PVT1: variants seen among roughly 807,000 people sequenced by gnomAD.
The protein encoded by PVT1 is Pvt1 oncogene, also known as CXCR4/PVT1 fusion.
intron 3 of PVT1, among the ~76,000 whole-genome samples, chr8:127,921,854 G>GTTTTTTTGTTTTTTTTTTTTTTTTT (rs1816063128): frequency 1.3e-4 from 9 of 71,906 alleles, no homozygotes; most frequent in African/African-American, 5.5e-4. Context: ...TTTGGTTCAT[G>GTTTTTTTGTTTTTTTTTTTTTTTTT]TTTTTTTTTT....
At chr8:127,897,807 G>GAGAAA (rs764448122) in intron 3 of PVT1, among the ~76,000 whole-genome samples, 30 of 117,370 alleles carry the variant, frequency 2.6e-4, no homozygotes, top group South Asian at 1.1e-3. Context: ...TGCGTGAAGA[G>GAGAAA]AGAAAAGAAA....
At chr8:127,874,645 C>T (rs565997450) in intron 2 of PVT1, among the ~76,000 whole-genome samples, 1 of 152,286 alleles carries the variant, frequency 6.6e-6, no homozygotes, top group South Asian at 2.1e-4. Context: ...GAAATGTGCA[C>T]CGTGAATGTT....
At chr8:127,938,230 G>A (rs989293990) in intron 3 of PVT1, among the ~76,000 whole-genome samples, 16 of 152,228 alleles carry the variant, frequency 1.1e-4, no homozygotes, top group African/African-American at 3.6e-4. Context: ...GAGGCGACAA[G>A]CCCTGATCAA....
At chr8:128,020,478 G>A (rs966469707) in intron 4 of PVT1, among the ~76,000 whole-genome samples, 5 of 152,186 alleles carry the variant, frequency 3.3e-5, no homozygotes, top group African/African-American at 4.8e-5. Context: ...CCCACTTGTA[G>A]GAACTGGAGG....
At chr8:127,972,988 T>A (rs1258415077) in intron 3 of PVT1, among the ~76,000 whole-genome samples, 1 of 152,182 alleles carries the variant, frequency 6.6e-6, no homozygotes, top group Non-Finnish European at 1.5e-5. Flanking sequence ...CACTATAACC[T>A]CGAACTACTG....
At chr8:128,040,492 T>A (rs564501672) in intron 4 of PVT1, among the ~76,000 whole-genome samples, 37 of 152,264 alleles carry the variant, frequency 2.4e-4, no homozygotes, top group African/African-American at 7.7e-4. Flanking sequence ...CACATCCTAC[T>A]GATTCTGTTT....
chr8:127,980,821 A>C (rs1043562906), intron 3 of PVT1, among the ~76,000 whole-genome samples: 1 of 139,676 alleles, frequency 7.2e-6, no homozygotes, highest in Non-Finnish European at 1.5e-5. Flanking sequence ...TGTTTGAGAC[A>C]GAGTCTCGCT....
At chr8:127,952,972 G>T (rs577318673) in intron 3 of PVT1, among the ~76,000 whole-genome samples, 2 of 152,184 alleles carry the variant, frequency 1.3e-5, no homozygotes, top group Non-Finnish European at 2.9e-5. Flanking sequence ...CACCATGTTG[G>T]CCAGGATGGT....
In PVT1 at chr8:127,966,660, C is replaced by T. The variant is rs1388449042; in HGVS notation, n.783-22502C>T. Among the ~76,000 whole-genome samples, 3 of 152,284 alleles carry T rather than the reference C, an allele frequency of 2.0e-5. No individual in the cohort carries two copies. In the East Asian group the frequency reaches 5.8e-4, roughly 29 times the overall value. ...TGGGGCTGTAGCAGCTGAGGGACTGCAATTTTTGTGTGAATTAATTTCAAC... is the reference window on the plus strand; with the variant it reads ...TGGGGCTGTAGCAGCTGAGGGACTGTAATTTTTGTGTGAATTAATTTCAAC... On this transcript the variant is annotated intron_variant and non_coding_transcript_variant, in intron 3 of 10. Coordinates refer to ENST00000651587, the Ensembl canonical transcript of PVT1.
At chr8:127,966,350 C>G (rs1816702654) in intron 3 of PVT1, among the ~76,000 whole-genome samples, 1 of 152,104 alleles carries the variant, frequency 6.6e-6, no homozygotes, top group Non-Finnish European at 1.5e-5. Context: ...GTTCATGCAC[C>G]TAGTAAGTAA....
chr8:127,928,989 C>T (rs1017577234), intron 3 of PVT1, among the ~76,000 whole-genome samples: 3 of 152,188 alleles, frequency 2.0e-5, no homozygotes, highest in Admixed American at 6.5e-5. Flanking sequence ...TATGCGGCTG[C>T]ACAGCCAGTG....
In PVT1 at chr8:127,874,560, G is replaced by A. The variant is rs60440436; in HGVS notation, n.373-16029G>A. ...TTTGTCACCTGTAACACAAGTATGA[G>A]ACTGGTACCTTCCTAGGAGGGGTGT... On this transcript the variant is annotated intron_variant and non_coding_transcript_variant, in intron 2 of 10. Transcript: ENST00000651587. 6.7e-3 allele frequency among the ~76,000 whole-genome samples: 1,021 copies of A among 152,226 alleles called. 16 individuals are homozygous for A. The highest frequency in any genetic ancestry group is 0.023 in the African/African-American group (973 of 41,516).
intron 3 of PVT1, among the ~76,000 whole-genome samples, chr8:127,929,107 G>A (rs1474663654): frequency 2.0e-5 from 3 of 152,090 alleles, no homozygotes; most frequent in Admixed American, 6.5e-5. Flanking sequence ...AGAAGCAAGG[G>A]GGGTTTAGCG....
At position 128,054,202 on chromosome 8, in the gene PVT1, G is replaced by T. The variant is rs529829647; in HGVS notation, n.913-15958G>T. 3.7e-4 allele frequency among the ~76,000 whole-genome samples: 56 copies of T among 152,302 alleles called. 1 individual carries two copies. In the South Asian group the frequency reaches 0.011, roughly 31 times the overall value. ...GAAGAGAAGAGCCTGAGTTTTGGGGGTTCCCAAGTTTTTGAGGTTTCACCA... is the reference window on the plus strand; with the variant it reads ...GAAGAGAAGAGCCTGAGTTTTGGGGTTTCCCAAGTTTTTGAGGTTTCACCA... On this transcript the variant is annotated intron_variant and non_coding_transcript_variant, in intron 4 of 10. Coordinates refer to ENST00000651587, the Ensembl canonical transcript of PVT1.
At chr8:127,802,503 A>G (rs1394467028) in intron 2 of PVT1, among the ~76,000 whole-genome samples, 1 of 152,260 alleles carries the variant, frequency 6.6e-6, no homozygotes, top group Non-Finnish European at 1.5e-5. Flanking sequence ...GGCGTGAGCC[A>G]CTGCACCCTG....
intron 3 of PVT1, among the ~76,000 whole-genome samples, chr8:127,906,546 T>G (rs1334151539): frequency 6.6e-6 from 1 of 152,114 alleles, no homozygotes; most frequent in Non-Finnish European, 1.5e-5. Context: ...GTGTGACGAA[T>G]GGGTGAGAAG....
intron 4 of PVT1, among the ~76,000 whole-genome samples, chr8:128,067,953 GTTT>G (rs34269945): frequency 1.3e-4 from 18 of 142,676 alleles, no homozygotes; most frequent in South Asian, 4.4e-4. Context: ...CATACTTTGT[GTTT>G]TTTTTTTTTT....
intron 3 of PVT1, among the ~76,000 whole-genome samples, chr8:127,976,976 G>C (rs758906684): frequency 6.6e-5 from 10 of 152,090 alleles, no homozygotes; most frequent in Non-Finnish European, 1.3e-4. Flanking sequence ...TAGTGTTTTA[G>C]GTGCTCCCAG....
chr8:127,945,703 C>G (rs1269090905), intron 3 of PVT1, among the ~76,000 whole-genome samples: 3 of 152,200 alleles, frequency 2.0e-5, no homozygotes, highest in Non-Finnish European at 4.4e-5. Flanking sequence ...TTTTGGACCT[C>G]CCACTGAGCA....
Sources: gnomAD v4.1 joint callset for allele counts (sites outside exome capture counted in the v4.1 genomes callset) on GRCh38, gnomAD v4.1.1 for gene constraint, MANE v1.5 for transcripts, NCBI Gene and HGNC (gene_info 2026-07-23, HGNC 2026-07-21) for gene names.